The following ATRN variants were observed in gnomAD, a reference collection of about 807,000 sequenced individuals.
ATRN encodes attractin.
A neutral mutation model predicts 178.7 loss-of-function variants in ATRN; 54 were observed. That is an observed-to-expected ratio of 0.30 (90% confidence interval 0.24 to 0.38). The LOEUF (loss-of-function observed/expected upper bound fraction) is 0.38. ATRN is among the 10% of genes least tolerant of loss of function. ATRN has a pLI of 1.00. For missense variants in ATRN, 1,443 were observed against 1,815.1 expected, an observed-to-expected ratio of 0.79 and a Z score of 3.73; for synonymous variants, 636 against 663.0, an observed-to-expected ratio of 0.96 and a Z score of 0.63.
At chr20:3,536,722 C>G (rs2085538457) in intron 2 of ATRN, among the ~76,000 whole-genome samples, 1 of 152,088 alleles carries the variant, frequency 6.6e-6, no homozygotes, top group South Asian at 2.1e-4. Flanking sequence ...TAATAAAAGA[C>G]AGCTGGATTG....
chr20:3,524,297 A>G (rs2085335230), intron 1 of ATRN, among the ~76,000 whole-genome samples: 3 of 152,292 alleles, frequency 2.0e-5, no homozygotes, highest in Admixed American at 6.5e-5. Context: ...TCAAACCAAC[A>G]AAGATCAAAA....
At chr20:3,509,487 C>T (rs1295798872) in intron 1 of ATRN, among the ~76,000 whole-genome samples, 1 of 149,560 alleles carries the variant, frequency 6.7e-6, no homozygotes, top group Non-Finnish European at 1.5e-5. Flanking sequence ...GTCAGAGGTA[C>T]ATGTTAACAA....
chr20:3,609,716 G>GTGTC (rs2086735261), intron 24 of ATRN, among the ~76,000 whole-genome samples: 2 of 83,146 alleles, frequency 2.4e-5, no homozygotes, highest in East Asian at 6.9e-4. Flanking sequence ...ATGTATGTAT[G>GTGTC]TGTGTGTGTG....
chr20:3,474,310 C>T (rs1180472419), intron 1 of ATRN, among the ~76,000 whole-genome samples: 1 of 152,054 alleles, frequency 6.6e-6, no homozygotes, highest in Non-Finnish European at 1.5e-5. Flanking sequence ...CCTGGGTAGA[C>T]AATTATGACT....
In ATRN at chr20:3,478,773, CT is replaced by C. The variant is rs1432530349; in HGVS notation, c.410+7263del. 2.6e-5 allele frequency among the ~76,000 whole-genome samples: 4 copies of C among 152,204 alleles called. No homozygotes were observed. In the East Asian group the frequency reaches 7.7e-4, roughly 29 times the overall value. The stretch of plus-strand genomic sequence containing the variant: ...GAAGGATCCCATTCCTTTCACATCC[CT>C]TTTTTTCCTAACCAAATCTTTCTAC... On this transcript the variant is annotated intron_variant, in intron 1 of 28. Coordinates refer to ENST00000262919, the MANE Select transcript of ATRN (RefSeq NM_139321.3).
chr20:3,491,324 G>A (rs238722), intron 1 of ATRN, among the ~76,000 whole-genome samples: 40,304 of 151,906 alleles, frequency 0.27, 5,886 homozygotes, highest in African/African-American at 0.33. Flanking sequence ...AGATCATAGG[G>A]GCAGCAGTGT....
At chr20:3,560,455 G>A (rs112300954) in intron 7 of ATRN, among the ~76,000 whole-genome samples, 2 of 152,244 alleles carry the variant, frequency 1.3e-5, no homozygotes, top group South Asian at 4.1e-4. Flanking sequence ...ATTAACATGG[G>A]AGTGCAGATA....
chr20:3,600,739 A>C (rs2086596760), intron 22 of ATRN, among the ~76,000 whole-genome samples: 1 of 152,178 alleles, frequency 6.6e-6, no homozygotes, highest in South Asian at 2.1e-4. Flanking sequence ...TGTATACTTT[A>C]ATGGGAGGGA....
chr20:3,562,488 T>C lies in ATRN; in HGVS notation c.1631+29T>C, dbSNP rs760763447. ...GGTACTTTTTCTTGAGCTTTCACTT[T>C]AAGGTGTAAATTCTGTAGAGGCAAT... On this transcript the variant is annotated intron_variant, in intron 9 of 28. Transcript: ENST00000262919. 44 of 1,608,468 alleles carry C rather than the reference T, an allele frequency of 2.7e-5. No homozygotes were observed. The South Asian group carries it at 4.3e-4, about 16-fold the overall frequency.
At chr20:3,555,533 G>C (rs1397467138) in intron 6 of ATRN, among the ~76,000 whole-genome samples, 1 of 136,544 alleles carries the variant, frequency 7.3e-6, no homozygotes, top group Admixed American at 7.7e-5. Flanking sequence ...ATTAGAATAT[G>C]ATCTGAGCAC....
chr20:3,511,972 T>C (rs966779910), intron 1 of ATRN, among the ~76,000 whole-genome samples: 1 of 150,414 alleles, frequency 6.6e-6, no homozygotes, highest in Non-Finnish European at 1.5e-5. Context: ...AAAATTATGC[T>C]TCTGTTTTTG....
At chr20:3,587,557 C>G (rs188222987) in intron 18 of ATRN, among the ~76,000 whole-genome samples, 463 of 151,024 alleles carry the variant, frequency 3.1e-3, no homozygotes, top group Non-Finnish European at 4.9e-3. Flanking sequence ...GAACTTTTTT[C>G]TAAGCTCTCA....
intron 1 of ATRN, among the ~76,000 whole-genome samples, chr20:3,510,915 C>T (rs1353301130): frequency 6.6e-6 from 1 of 152,124 alleles, no homozygotes; most frequent in Admixed American, 6.6e-5. Context: ...AATACTCTCT[C>T]AGTAGTTCGT....
intron 24 of ATRN, among the ~76,000 whole-genome samples, chr20:3,608,212 A>G (rs181572605): frequency 1.3e-5 from 2 of 152,282 alleles, no homozygotes. Flanking sequence ...TTGGCTTGAT[A>G]TAATCCCATT....
At chr20:3,518,418 G>T (rs907743651) in intron 1 of ATRN, among the ~76,000 whole-genome samples, 2 of 152,144 alleles carry the variant, frequency 1.3e-5, no homozygotes, top group Non-Finnish European at 2.9e-5. Flanking sequence ...AAGACACATG[G>T]TTGTATGATT....
At position 3,620,469 on chromosome 20, in the gene ATRN, C is replaced by G. The variant is rs541070458; in HGVS notation, c.3802-4042C>G. 9.9e-5 allele frequency among the ~76,000 whole-genome samples: 15 copies of G among 152,218 alleles called. No individual in the cohort carries two copies. In the East Asian group the frequency reaches 2.9e-3, roughly 29 times the overall value. On this transcript the variant is annotated intron_variant, in intron 24 of 28. Coordinates refer to ENST00000262919, the MANE Select transcript of ATRN (RefSeq NM_139321.3). The stretch of plus-strand genomic sequence containing the variant: ...CCATGTTGGCCAGGCTGGTTTCGAC[C>G]TCCTGGCCTCAAGTGATCCACCCAC...
intron 24 of ATRN, among the ~76,000 whole-genome samples, chr20:3,610,559 C>T (rs1483771823): frequency 6.8e-6 from 1 of 147,238 alleles, no homozygotes; most frequent in Non-Finnish European, 1.5e-5. Flanking sequence ...CACGCTAGTT[C>T]CAGCTGAATT....
chr20:3,540,308 T>C lies in ATRN; in HGVS notation c.581T>C (p.Ile194Thr), dbSNP rs2085599820. Reference sequence around the variant, plus strand: ...TTATATGTTTATGATGGGGACTCAATTTATGCACCGCTAGTTGCTGCATTT... The same window carrying C: ...TTATATGTTTATGATGGGGACTCAACTTATGCACCGCTAGTTGCTGCATTT... ...DHLYVYDGDSIYAPLVAAFSG... is the reference protein window; with the variant it reads ...DHLYVYDGDSTYAPLVAAFSG... The change falls in exon 3 of 29, where the codon ATT becomes ACT. Residue 194 changes from isoleucine (I) to threonine (T), a missense_variant. Around this residue, in one of 4 missense-constraint regions of ATRN, gnomAD observed 862 missense variants for 972.1 expected, o/e 0.89. Coordinates refer to ENST00000262919, the MANE Select transcript of ATRN (RefSeq NM_139321.3). The C allele has an allele frequency of 1.2e-6, 2 of 1,608,624 alleles. No homozygotes were observed. Among genetic ancestry groups the C allele is most frequent in the African/African-American group, 1.3e-5 (1 of 74,806 alleles).
intron 11 of ATRN, among the ~76,000 whole-genome samples, chr20:3,572,117 G>C (rs1361308851): frequency 6.6e-6 from 1 of 152,122 alleles, no homozygotes; most frequent in Non-Finnish European, 1.5e-5. Context: ...ATGTACATGT[G>C]TGCTTTTATC....
Sources: gnomAD v4.1 joint callset for allele counts (sites outside exome capture counted in the v4.1 genomes callset) on GRCh38, gnomAD v4.1.1 for gene constraint, gnomAD v4.1.1 regional missense constraint, MANE v1.5 for transcripts, NCBI Gene and HGNC (gene_info 2026-07-23, HGNC 2026-07-21) for gene names.